PDSS2: variants seen among roughly 807,000 people sequenced by gnomAD.
The protein encoded by PDSS2 is all trans-polyprenyl-diphosphate synthase PDSS2.
A neutral mutation model predicts 44.5 loss-of-function variants in PDSS2; 31 were observed. The ratio of observed to expected loss-of-function variants is 0.70; its 90% CI spans 0.52 to 0.94. The LOEUF is 0.94. Among genes scored for constraint, PDSS2 ranks in the 40% least tolerant of loss-of-function variants. The pLI is 0.00. For synonymous variants in PDSS2, 157 were observed against 180.3 expected, an observed-to-expected ratio of 0.87 and a Z score of 1.03; for missense variants, 452 against 482.2, an observed-to-expected ratio of 0.94 and a Z score of 0.59.
rs564494774 is a variant in PDSS2 at position 107,271,467 on chromosome 6, C to T, written c.630+2562G>A. Among the ~76,000 whole-genome samples the T allele has an allele frequency of 7.2e-5, 11 of 152,268 alleles. No individual in the cohort carries two copies. The East Asian group carries it at 1.7e-3, about 24-fold the overall frequency. ...TTTCCCATATATATTTTACAGACAC[C>T]CAAACCTATAATTTACTGTTTCCCA... is the stretch of plus-strand genomic sequence containing the variant. On this transcript the variant is annotated intron_variant, in intron 3 of 7. Coordinates refer to ENST00000369037, the MANE Select transcript of PDSS2 (RefSeq NM_020381.4).
intron 3 of PDSS2, among the ~76,000 whole-genome samples, chr6:107,260,813 G>A (rs1240142547): frequency 2.6e-5 from 4 of 151,772 alleles, no homozygotes; most frequent in South Asian, 2.1e-4. Flanking sequence ...ACAGGCGCCC[G>A]CCACTATGCC....
intron 4 of PDSS2, among the ~76,000 whole-genome samples, chr6:107,225,739 T>C (rs1773798020): frequency 6.6e-6 from 1 of 152,248 alleles, no homozygotes; most frequent in Non-Finnish European, 1.5e-5. Context: ...CAGCCAAGTT[T>C]GAGACTATCT....
intron 2 of PDSS2, among the ~76,000 whole-genome samples, chr6:107,301,921 CAAAAA>C (rs10592658): frequency 3.8e-5 from 3 of 78,666 alleles, no homozygotes; most frequent in Admixed American, 1.6e-4. Flanking sequence ...GACTCTATCT[CAAAAA>C]AAAAAAAAAA....
intron 1 of PDSS2, among the ~76,000 whole-genome samples, chr6:107,426,523 A>C (rs1241597169): frequency 6.6e-6 from 1 of 152,176 alleles, no homozygotes; most frequent in African/African-American, 2.4e-5. Flanking sequence ...CTGTGAGAAG[A>C]GGGCCACCAT....
intron 3 of PDSS2, among the ~76,000 whole-genome samples, chr6:107,259,969 C>T (rs1277064506): frequency 6.6e-6 from 1 of 152,114 alleles, no homozygotes; most frequent in Non-Finnish European, 1.5e-5. Context: ...TTGGTGTTTC[C>T]AGATTTCTGC....
chr6:107,302,846 CAAA>C (rs67469482), intron 2 of PDSS2, among the ~76,000 whole-genome samples: 1 of 141,182 alleles, frequency 7.1e-6, no homozygotes, highest in Non-Finnish European at 1.5e-5. Context: ...AACTTACTAC[CAAA>C]AAAAAAAAAA....
At chr6:107,271,533 G>GC (rs1424645835) in intron 3 of PDSS2, among the ~76,000 whole-genome samples, 8 of 152,094 alleles carry the variant, frequency 5.3e-5, no homozygotes, top group African/African-American at 1.9e-4. Context: ...TGTGACTCTT[G>GC]CAGGCCATGC....
At chr6:107,193,905 G>A in intron 6 of PDSS2, 51 bp from the exon 7 acceptor site, 1 of 1,202,454 alleles carries the variant, frequency 8.3e-7, no homozygotes. Flanking sequence ...AAAGTTTAGT[G>A]CTTCTATAAT....
chr6:107,164,682 A>C (rs1311136304), intron 7 of PDSS2, among the ~76,000 whole-genome samples: 1 of 152,224 alleles, frequency 6.6e-6, no homozygotes, highest in Non-Finnish European at 1.5e-5. Flanking sequence ...GTATATACCC[A>C]GTAATGGGAT....
chr6:107,204,449 T>C (rs1211265319), intron 6 of PDSS2, among the ~76,000 whole-genome samples: 2 of 152,204 alleles, frequency 1.3e-5, no homozygotes, highest in Non-Finnish European at 2.9e-5. Context: ...CATAAACCAG[T>C]CTTTTAAATA....
At chr6:107,162,225 C>T (rs1771159049) in intron 7 of PDSS2, among the ~76,000 whole-genome samples, 1 of 152,080 alleles carries the variant, frequency 6.6e-6, no homozygotes, top group Admixed American at 6.6e-5. Flanking sequence ...CGGCCGGGCG[C>T]AGTGGCTCAC....
chr6:107,324,078 C>G (rs527565582), intron 2 of PDSS2, among the ~76,000 whole-genome samples: 1 of 152,152 alleles, frequency 6.6e-6, no homozygotes, highest in Non-Finnish European at 1.5e-5. Flanking sequence ...ACATAAAGAG[C>G]CTTCCCTTTT....
intron 1 of PDSS2, among the ~76,000 whole-genome samples, chr6:107,383,659 C>T (rs1260355996): frequency 6.6e-6 from 1 of 151,994 alleles, no homozygotes; most frequent in Admixed American, 6.6e-5. Context: ...CAAAGATATA[C>T]AAATGGGCAA....
At chr6:107,200,372 T>C (rs893263804) in intron 6 of PDSS2, among the ~76,000 whole-genome samples, 1 of 152,192 alleles carries the variant, frequency 6.6e-6, no homozygotes, top group African/African-American at 2.4e-5. Context: ...AGTTCCCAGA[T>C]GCTGGGCTCT....
chr6:107,439,466 G>C (rs1313116664), intron 1 of PDSS2, among the ~76,000 whole-genome samples: 1 of 152,166 alleles, frequency 6.6e-6, no homozygotes, highest in African/African-American at 2.4e-5. Flanking sequence ...CCATATTCCT[G>C]CTACATGCCA....
At chr6:107,188,621 T>A (rs6924582) in intron 7 of PDSS2, among the ~76,000 whole-genome samples, 1 of 151,752 alleles carries the variant, frequency 6.6e-6, no homozygotes, top group Non-Finnish European at 1.5e-5. Context: ...TGGCCTCCAT[T>A]GTTGGAGGTG....
chr6:107,173,088 C>T (rs1271970762), intron 7 of PDSS2, among the ~76,000 whole-genome samples: 19 of 145,858 alleles, frequency 1.3e-4, no homozygotes, highest in African/African-American at 4.8e-4. Flanking sequence ...TGTGCCACTG[C>T]ACTCCAACCT....
chr6:107,417,451 G>T (rs1367414725), intron 1 of PDSS2, among the ~76,000 whole-genome samples: 1 of 151,992 alleles, frequency 6.6e-6, no homozygotes, highest in Admixed American at 6.6e-5. Context: ...CCACATCATG[G>T]AATCTATCTA....
rs1446558243 is a variant in PDSS2, at chr6:107,225,137, T to TATATATATATATATATTTATATATA, written c.703-12856_703-12855insTATATATAAATATATATATATATAT. 9.5e-4 allele frequency among the ~76,000 whole-genome samples: 59 copies of TATATATATATATATATTTATATATA among 62,370 alleles called. 2 individuals carry two copies. The highest frequency in any genetic ancestry group is 1.2e-3 in the Non-Finnish European group (47 of 38,414). The allele number at this position is 62,370 out of a possible 152,430, so 40.9% of individuals were successfully genotyped here. On this transcript the variant is annotated intron_variant, in intron 4 of 7. Transcript: ENST00000369037. ...AGGAAGCTTCACTATATATATATTT[T>TATATATATATATATATTTATATATA]TATATATATATATATATATATATAT...
Sources: gnomAD v4.1 joint callset for allele counts (sites outside exome capture counted in the v4.1 genomes callset) on GRCh38, gnomAD v4.1.1 for gene constraint, MANE v1.5 for transcripts, NCBI Gene and HGNC (gene_info 2026-07-23, HGNC 2026-07-21) for gene names.